The following HMCN2 variants were observed in gnomAD, a reference collection of about 807,000 sequenced individuals.
HMCN2 encodes hemicentin-2.
In HMCN2, 325 loss-of-function variants were observed where a neutral mutation model predicts 377.5. The observed-to-expected ratio is 0.86, with a 90% confidence interval of 0.79 to 0.94. The LOEUF (loss-of-function observed/expected upper bound fraction) is 0.94, where lower values mean the gene tolerates loss of function less well. HMCN2 is among the 40% of genes least tolerant of loss of function. The pLI is 0.00. For missense variants in HMCN2, 4,543 were observed against 4,725.3 expected, an observed-to-expected ratio of 0.96 and a Z score of 1.13; for synonymous variants, 2,007 against 2,046.8, an observed-to-expected ratio of 0.98 and a Z score of 0.53.
intron 6 of HMCN2, among the ~76,000 whole-genome samples, chr9:130,296,193 A>G (rs1588192208): frequency 6.6e-6 from 1 of 152,188 alleles, no homozygotes; most frequent in African/African-American, 2.4e-5. Context: ...CCAACAGAGC[A>G]TCCTGGGATG....
chr9:130,324,808 A>G (rs1838039741), intron 19 of HMCN2, among the ~76,000 whole-genome samples: 2 of 151,868 alleles, frequency 1.3e-5, no homozygotes, highest in Non-Finnish European at 1.5e-5. Flanking sequence ...TATTTTTAGT[A>G]GAGACAGGGT....
In HMCN2 at chr9:130,410,606, G is replaced by A. The variant is rs1048734257; in HGVS notation, c.12915G>A (p.Glu4305=). The change falls in exon 85 of 98, where the codon GAG becomes GAA. Residue 4305 remains glutamate (E), a synonymous_variant. Coordinates refer to ENST00000683500, the MANE Select transcript of HMCN2 (RefSeq NM_001291815.2). ...CGGGACGGTACCAGTGCCTGGCAGA[G>A]AATGAGATGGGCGTGGCGAAGAAAG... ...DDAGRYQCLA[E]NEMGVAKKVV... is the part of the protein sequence containing the mutation. The A allele has an allele frequency of 1.4e-5, 21 of 1,550,542 alleles. No homozygotes were observed. Among genetic ancestry groups the A allele is most frequent in the Non-Finnish European group, 1.6e-5 (18 of 1,147,024 alleles).
rs1004610746 is a variant in HMCN2 at position 130,340,347 on chromosome 9, G to C, written c.3488-764G>C. On this transcript the variant is annotated intron_variant, in intron 23 of 97. Transcript: ENST00000683500. ...CGCAGGGCGGGAGGGGTTGTGATGAGGGGGAACTGAGGCTCTGGCTGGAGC... is the reference window on the plus strand; with the variant it reads ...CGCAGGGCGGGAGGGGTTGTGATGACGGGGAACTGAGGCTCTGGCTGGAGC... Among the ~76,000 whole-genome samples the C allele has an allele frequency of 2.8e-3, 420 of 152,348 alleles. 1 individual carries two copies. The highest frequency in any genetic ancestry group is 7.1e-3 in the African/African-American group (295 of 41,600).
rs374757351 is a variant in HMCN2 at position 130,368,507 on chromosome 9, T to G, written c.6787+70T>G. ...TGGCTGGGCAGGCGCTGCCCTGAAATTGGAGCAAATACGGGGAAGTGATGG... is the reference window on the plus strand; with the variant it reads ...TGGCTGGGCAGGCGCTGCCCTGAAAGTGGAGCAAATACGGGGAAGTGATGG... On this transcript the variant is annotated intron_variant, in intron 44 of 97. Coordinates refer to ENST00000683500, the MANE Select transcript of HMCN2 (RefSeq NM_001291815.2). 4.0e-5 allele frequency: 35 copies of G among 874,430 alleles called. No homozygotes were observed. The East Asian group carries it at 2.1e-3, about 51-fold the overall frequency. 54.2% of individuals were successfully genotyped at this position (874,430 alleles called of 1,614,324 possible). A position where few individuals can be genotyped will look rare whatever the true frequency, so the allele number is the denominator to read the frequency against.
intron 4 of HMCN2, among the ~76,000 whole-genome samples, chr9:130,288,676 G>A (rs1301449794): frequency 2.0e-5 from 3 of 152,188 alleles, no homozygotes; most frequent in Non-Finnish European, 4.4e-5. Flanking sequence ...CTTGTTTGCT[G>A]AGCTCCTGCC....
Position 130,393,965 on chromosome 9 carries a change from C to T in HMCN2, c.10458C>T (p.Ser3486=), listed in dbSNP as rs562791044. The change falls in exon 68 of 98, where the codon AGC becomes AGT. Residue 3486 remains serine, a synonymous_variant. Transcript: ENST00000683500. This position sits in a 1 kb window ranked among gnomAD's most constrained non-coding sequence, Gnocchi z 5.2. The part of the protein sequence containing the change: ...DSGTYSCVAV[S]EAGEARRHFQ... The stretch of plus-strand genomic sequence containing the variant: ...GGACCTACTCCTGTGTGGCCGTGAG[C>T]GAGGCGGGGGAAGCCAGGAGGCATT... The T allele has an allele frequency of 3.8e-4, 485 of 1,283,134 alleles. 2 individuals carry two copies. In the African/African-American group the frequency reaches 6.8e-3, roughly 18 times the overall value. 79.5% of individuals were successfully genotyped at this position (1,283,134 alleles called of 1,614,324 possible).
At chr9:130,383,124 C>T (rs1394296359) in intron 56 of HMCN2, among the ~76,000 whole-genome samples, 1 of 152,210 alleles carries the variant, frequency 6.6e-6, no homozygotes. Flanking sequence ...ACACAGCAGC[C>T]TTCCGCGGGA....
At chr9:130,288,348 G>A (rs1447797147) in intron 4 of HMCN2, among the ~76,000 whole-genome samples, 5 of 152,244 alleles carry the variant, frequency 3.3e-5, no homozygotes, top group African/African-American at 1.2e-4. Flanking sequence ...GCCAGAATTG[G>A]CTACCTCTAA....
chr9:130,373,904 A>ATGGG (rs1841227023), intron 48 of HMCN2, among the ~76,000 whole-genome samples: 1 of 150,250 alleles, frequency 6.7e-6, no homozygotes, highest in Admixed American at 6.6e-5. Flanking sequence ...GGATGGATGG[A>ATGGG]TGGATGGATG....
chr9:130,348,784 G>A, intron 27 of HMCN2, 109 bp downstream of exon 27: 1 of 1,254,882 alleles, frequency 8.0e-7, no homozygotes, highest in Admixed American at 2.4e-5. Context: ...AGATGTGACA[G>A]GTGTCTTTGG....
chr9:130,398,614 T>C lies in HMCN2; in HGVS notation c.11390T>C (p.Leu3797Pro). ...CTGACCGCCCACACCCCAGCCTTGC[T>C]GCCCTGCGAGGCCAGCGGCTCCCCT... Reference protein sequence around the residue: ...LTLTAHTPALLPCEASGSPKP... With the variant: ...LTLTAHTPALPPCEASGSPKP... Residue 3797 changes from leucine to proline, a missense_variant, in exon 75 of 98, where the codon CTG (leucine) becomes CCG (proline). Transcript: ENST00000683500. 7.8e-7 allele frequency: 1 copy of C among 1,287,586 alleles called. No homozygotes were observed. The highest frequency in any genetic ancestry group is 1.0e-6 in the Non-Finnish European group (1 of 987,254). 79.8% of individuals were successfully genotyped at this position (1,287,586 alleles called of 1,614,324 possible). A position where few individuals can be genotyped will look rare whatever the true frequency, so the allele number is the denominator to read the frequency against.
In HMCN2 at chr9:130,399,610, G is replaced by C. The variant is rs936188327; in HGVS notation, c.11583G>C (p.Arg3861Ser). 4 of 1,289,668 alleles carry C rather than the reference G, an allele frequency of 3.1e-6. No homozygotes were observed. The African/African-American group carries it at 4.6e-5, about 15-fold the overall frequency. 79.9% of individuals were successfully genotyped at this position (1,289,668 alleles called of 1,614,324 possible). The change falls in exon 76 of 98, where the codon AGG (arginine) becomes AGC (serine). Residue 3861 changes from arginine to serine, a missense_variant. Around this residue, in one of 5 missense-constraint regions of HMCN2, gnomAD observed 1,073 missense variants for 1,319.5 expected, o/e 0.81. Coordinates refer to ENST00000683500, the MANE Select transcript of HMCN2 (RefSeq NM_001291815.2). Reference protein sequence around the residue: ...VVSNEVGEAHRLYQVTVHVPP... With the variant: ...VVSNEVGEAHSLYQVTVHVPP... ...GCAATGAGGTGGGCGAGGCCCACAG[G>C]CTCTACCAGGTGACCGTCCATGGTG...
intron 77 of HMCN2, among the ~76,000 whole-genome samples, chr9:130,401,394 G>A (rs112995646): frequency 0.029 from 4,464 of 152,156 alleles, 220 homozygotes; most frequent in African/African-American, 0.1. Context: ...AGCTATCTCC[G>A]CTCACTGCAG....
At chr9:130,380,784 CAAAAAAAGAAAAAAAAA>C (rs1841670415) in intron 54 of HMCN2, among the ~76,000 whole-genome samples, 1 of 133,488 alleles carries the variant, frequency 7.5e-6, no homozygotes, top group Non-Finnish European at 1.6e-5. Flanking sequence ...AAGACTATCT[CAAAAAAAGAAAAAAAAA>C]AAAAAAAGAA....
At chr9:130,430,233 G>C in intron 94 of HMCN2, 51 bp from the exon 95 acceptor site, 2 of 1,421,116 alleles carry the variant, frequency 1.4e-6, no homozygotes, top group Non-Finnish European at 1.9e-6. Context: ...GCTGCAGGCT[G>C]CAGGGGAACC....
intron 87 of HMCN2, 68 bp from the exon 88 acceptor site, chr9:130,424,708 A>G: frequency 7.0e-7 from 1 of 1,434,652 alleles, no homozygotes; most frequent in South Asian, 1.5e-5. Flanking sequence ...CCATGACGGG[A>G]CCTTGAACAG....
At chr9:130,389,135 G>A (rs1588372217) in intron 62 of HMCN2, among the ~76,000 whole-genome samples, 1 of 152,216 alleles carries the variant, frequency 6.6e-6, no homozygotes, top group Admixed American at 6.5e-5. Flanking sequence ...CACAGCAGGG[G>A]CCGGCACTGC....
rs1268853772 is a variant in HMCN2 at position 130,364,737 on chromosome 9, G to A, written c.6256G>A (p.Glu2086Lys). ...VHMPPSILGE[E>K]LNVSVVANES... ...AGTGCCCCCGAGTATCCTTGGAGAA[G>A]AGCTGAATGTGTCCGTTGTGGCCAA... The change falls in exon 41 of 98, where the codon GAG (glutamate) becomes AAG (lysine). Residue 2086 changes from glutamate (E) to lysine (K), a missense_variant. Glu to Lys is a moderately conservative substitution (Grantham distance 56, BLOSUM62 1). This residue lies in a region of HMCN2 where 1,032 missense variants were observed against 1,285.1 expected (regional missense o/e 0.80). Transcript: ENST00000683500. The A allele has an allele frequency of 1.0e-6, 1 of 985,910 alleles. No homozygotes were observed. The highest frequency in any genetic ancestry group is 1.1e-4 in the East Asian group (1 of 8,818). The allele number at this position is 985,910 out of a possible 1,614,324, so 61.1% of individuals were successfully genotyped here.
Position 130,433,383 on chromosome 9 carries a change from C to G in HMCN2, c.14930C>G (p.Thr4977Arg). 1 of 1,479,218 alleles carries G rather than the reference C, an allele frequency of 6.8e-7. No individual in the cohort carries two copies. Among genetic ancestry groups the G allele is most frequent in the Non-Finnish European group, 8.9e-7 (1 of 1,122,668 alleles). 91.6% of individuals were successfully genotyped at this position (1,479,218 alleles called of 1,614,324 possible). A position where few individuals can be genotyped will look rare whatever the true frequency, so the allele number is the denominator to read the frequency against. Residue 4977 changes from threonine to arginine, a missense_variant, in exon 98 of 98, where the codon ACG becomes AGG. Around this residue, in one of 5 missense-constraint regions of HMCN2, gnomAD observed 1,155 missense variants for 1,157.7 expected, o/e 1.00. Transcript: ENST00000683500. Reference sequence around the variant, plus strand: ...CGGCGCTGCTCGCAGGACTGCGGCACGGGCGGCCCCTCTACGCTGCAGTAC... The same window carrying G: ...CGGCGCTGCTCGCAGGACTGCGGCAGGGGCGGCCCCTCTACGCTGCAGTAC... Reference protein sequence around the residue: ...CFRRCSQDCGTGGPSTLQYRL... With the variant: ...CFRRCSQDCGRGGPSTLQYRL...
Sources: gnomAD v4.1 joint callset for allele counts (sites outside exome capture counted in the v4.1 genomes callset) on GRCh38, gnomAD v4.1.1 for gene constraint, gnomAD v4.1.1 regional missense constraint, Gnocchi (gnomAD v3.1) non-coding constraint, MANE v1.5 for transcripts, NCBI Gene and HGNC (gene_info 2026-07-23, HGNC 2026-07-21) for gene names.